Variants in NTM observed in about 807,000 individuals in gnomAD.
The protein encoded by NTM is neurotrimin, also known as IgLON family member 2.
A neutral mutation model predicts 42.1 loss-of-function variants in NTM; 13 were observed. The ratio of observed to expected loss-of-function variants is 0.31; its 90% CI spans 0.20 to 0.49. The LOEUF (loss-of-function observed/expected upper bound fraction) is 0.49. Among genes scored for constraint, NTM ranks in the 20% least tolerant of loss-of-function variants. The pLI, the probability that NTM is intolerant of heterozygous loss-of-function variation, is 0.99. For missense variants in NTM, 373 were observed against 452.8 expected, an observed-to-expected ratio of 0.82 and a Z score of 1.60; for synonymous variants, 187 against 179.2, an observed-to-expected ratio of 1.04 and a Z score of -0.35.
At chr11:131,852,856 A>G (rs1313624506) in intron 1 of NTM, among the ~76,000 whole-genome samples, 48 of 148,344 alleles carry the variant, frequency 3.2e-4, no homozygotes, top group Non-Finnish European at 5.5e-4. Flanking sequence ...CCACCCATCC[A>G]TCTATCCATC....
At chr11:131,384,128 T>C (rs1385340785) in intron 1 of NTM, among the ~76,000 whole-genome samples, 1 of 152,144 alleles carries the variant, frequency 6.6e-6, no homozygotes, top group Non-Finnish European at 1.5e-5. Flanking sequence ...AGCTTTCCAA[T>C]ATGAGGTTAG....
intron 1 of NTM, among the ~76,000 whole-genome samples, chr11:131,401,842 A>ATG (rs1945260231): frequency 3.0e-5 from 3 of 100,294 alleles, no homozygotes; most frequent in African/African-American, 1.2e-4. Flanking sequence ...ATATATATAT[A>ATG]TATATATATA....
At chr11:131,638,776 C>G (rs2064760691) in intron 1 of NTM, among the ~76,000 whole-genome samples, 1 of 151,620 alleles carries the variant, frequency 6.6e-6, no homozygotes, top group Non-Finnish European at 1.5e-5. Flanking sequence ...AAATCTTGGA[C>G]AATCTGTTTG....
chr11:132,215,923 G>T (rs907212203), intron 4 of NTM, among the ~76,000 whole-genome samples: 1 of 152,154 alleles, frequency 6.6e-6, no homozygotes, highest in East Asian at 1.9e-4. Context: ...ACCCCAAGCC[G>T]GAGTCCTTCT....
chr11:132,331,001 C>T (rs2095792355), intron 8 of NTM, among the ~76,000 whole-genome samples: 1 of 152,208 alleles, frequency 6.6e-6, no homozygotes, highest in Non-Finnish European at 1.5e-5. Flanking sequence ...GGAATCCTTC[C>T]ACATAGCATT....
intron 1 of NTM, among the ~76,000 whole-genome samples, chr11:131,632,965 G>A (rs373220825): frequency 2.0e-4 from 30 of 147,028 alleles, no homozygotes; most frequent in African/African-American, 6.8e-4. Flanking sequence ...GAGCCACCGC[G>A]CCACTCGGGC....
chr11:131,625,289 C>T (rs1451891218), intron 1 of NTM, among the ~76,000 whole-genome samples: 1 of 152,130 alleles, frequency 6.6e-6, no homozygotes, highest in East Asian at 1.9e-4. Context: ...GATAAGGTCC[C>T]CCCATGATGG....
At chr11:131,957,698 C>T (rs982546869) in intron 2 of NTM, among the ~76,000 whole-genome samples, 4 of 152,126 alleles carry the variant, frequency 2.6e-5, no homozygotes, top group African/African-American at 9.7e-5. Context: ...TTTTATATCT[C>T]CCCCTCCTAC....
intron 1 of NTM, among the ~76,000 whole-genome samples, chr11:131,883,064 G>T (rs992928531): frequency 6.6e-6 from 1 of 152,176 alleles, no homozygotes; most frequent in African/African-American, 2.4e-5. Context: ...GGCAGCACCT[G>T]CCAAAAGGAC....
At chr11:131,826,005 A>C (rs755396139) in intron 1 of NTM, among the ~76,000 whole-genome samples, 1 of 152,184 alleles carries the variant, frequency 6.6e-6, no homozygotes, top group Non-Finnish European at 1.5e-5. Context: ...TAAACCATGC[A>C]CAAGAATAAA....
chr11:132,060,247 T>C (rs1039570269), intron 2 of NTM, among the ~76,000 whole-genome samples: 7 of 152,224 alleles, frequency 4.6e-5, no homozygotes, highest in Non-Finnish European at 8.8e-5. Flanking sequence ...CACTTAAGTG[T>C]CTTATTACAA....
At chr11:131,674,859 T>C (rs77191764) in intron 1 of NTM, among the ~76,000 whole-genome samples, 5,001 of 152,282 alleles carry the variant, frequency 0.033, 275 homozygotes, top group African/African-American at 0.11. Context: ...GGGACCAAGA[T>C]GTGGGGCTCA....
chr11:131,563,468 G>A (rs2056482890), intron 1 of NTM, among the ~76,000 whole-genome samples: 1 of 151,770 alleles, frequency 6.6e-6, no homozygotes, highest in Non-Finnish European at 1.5e-5. Flanking sequence ...GCTCGTCCCT[G>A]CTCCCCTTTC....
chr11:131,769,126 T>C (rs978990156), intron 1 of NTM, among the ~76,000 whole-genome samples: 8 of 152,246 alleles, frequency 5.3e-5, no homozygotes, highest in African/African-American at 1.9e-4. Flanking sequence ...GGCAACAGGC[T>C]ATTAAGCATC....
In NTM at chr11:131,863,788, T is replaced by C. The variant is rs1418326188; in HGVS notation, c.83-47776T>C. ...CAGGTTCAGGATGTCCTGCTGCCAA[T>C]CAAACATGAGCTCCCATGCCACATG... On this transcript the variant is annotated intron_variant, in intron 1 of 8. Coordinates refer to ENST00000683400, the MANE Select transcript of NTM (RefSeq NM_001352005.2). 2.0e-5 allele frequency among the ~76,000 whole-genome samples: 3 copies of C among 152,328 alleles called. No homozygotes were observed. In the East Asian group the frequency reaches 5.8e-4, roughly 29 times the overall value.
intron 7 of NTM, among the ~76,000 whole-genome samples, chr11:132,321,768 C>A (rs1157390114): frequency 1.3e-5 from 2 of 149,664 alleles, no homozygotes; most frequent in African/African-American, 4.9e-5. Context: ...ATGTTAAGGG[C>A]AGCCAGAGAG....
At chr11:131,449,508 C>T (rs947375895) in intron 1 of NTM, among the ~76,000 whole-genome samples, 5 of 152,304 alleles carry the variant, frequency 3.3e-5, no homozygotes, top group Non-Finnish European at 5.9e-5. Context: ...TGAGTCCTGT[C>T]GTCTTGCCTG....
intron 1 of NTM, among the ~76,000 whole-genome samples, chr11:131,482,526 TA>T (rs1953716734): frequency 6.6e-6 from 1 of 152,350 alleles, no homozygotes; most frequent in African/African-American, 2.4e-5. Flanking sequence ...ATAGAATCTT[TA>T]ACCACTCTGG....
intron 1 of NTM, among the ~76,000 whole-genome samples, chr11:131,380,193 A>G (rs1942479956): frequency 6.7e-6 from 1 of 148,858 alleles, no homozygotes; most frequent in African/African-American, 2.5e-5. Flanking sequence ...TTCAAAGTTC[A>G]GTACCCTTTC....
Sources: allele counts gnomAD v4.1 joint callset (sites outside exome capture counted in the v4.1 genomes callset), GRCh38; gene constraint gnomAD v4.1.1; transcripts MANE v1.5; gene names NCBI Gene and HGNC (gene_info 2026-07-23, HGNC 2026-07-21).